NGEF: variants seen among roughly 807,000 people sequenced by gnomAD.
The protein encoded by NGEF is ephexin-1.
A neutral mutation model predicts 80.9 loss-of-function variants in NGEF; 31 were observed. The ratio of observed to expected loss-of-function variants is 0.38; its 90% CI spans 0.29 to 0.52. The LOEUF (loss-of-function observed/expected upper bound fraction) is 0.52, where lower values mean the gene tolerates loss of function less well. Ranked by LOEUF, NGEF falls within the 20% of genes least tolerant of loss-of-function variation. The pLI is 0.84. For synonymous variants in NGEF, 371 were observed against 370.2 expected, an observed-to-expected ratio of 1.00 and a Z score of -0.03; for missense variants, 709 against 926.2, an observed-to-expected ratio of 0.77 and a Z score of 3.04.
chr2:232,891,157 A>G (rs1691870139), intron 8 of NGEF, among the ~76,000 whole-genome samples: 1 of 152,176 alleles, frequency 6.6e-6, no homozygotes, highest in Non-Finnish European at 1.5e-5. Context: ...CTGGCTGTGC[A>G]TGGTTCGGTC....
At chr2:232,914,136 G>A (rs72617186) in intron 5 of NGEF, among the ~76,000 whole-genome samples, 2 of 152,116 alleles carry the variant, frequency 1.3e-5, no homozygotes, top group South Asian at 4.1e-4. Flanking sequence ...TTTACACAGT[G>A]TCTATAGCTG....
rs1450590584 is a variant in NGEF, at chr2:232,879,579, G to C, written c.2043C>G (p.Leu681=). ...TCTTGTGGACACGGAAACATTCCTT[G>C]AGGTTCTGGGACCGGATCTTGGGAT... is the stretch of plus-strand genomic sequence containing the variant. The part of the protein sequence containing the change: ...ILNPKIRSQN[L]KECFRVHKMD... Residue 681 remains leucine, a synonymous_variant, in exon 15 of 15, where the codon CTC becomes CTG. Transcript: ENST00000264051. 3 of 1,613,902 alleles carry C rather than the reference G, an allele frequency of 1.9e-6. No homozygotes were observed. The highest frequency in any genetic ancestry group is 2.5e-6 in the Non-Finnish European group (3 of 1,180,004).
At chr2:232,955,721 G>A (rs2106309952) in intron 3 of NGEF, among the ~76,000 whole-genome samples, 1 of 152,236 alleles carries the variant, frequency 6.6e-6, no homozygotes, top group East Asian at 1.9e-4. Flanking sequence ...GTTTCACCAT[G>A]TTGGCCAGGC....
intron 5 of NGEF, among the ~76,000 whole-genome samples, chr2:232,911,122 G>A (rs1692683702): frequency 6.6e-6 from 1 of 152,096 alleles, no homozygotes; most frequent in Admixed American, 6.6e-5. Flanking sequence ...AAGTTTTAAA[G>A]TTTTTCATTT....
At chr2:232,993,418 A>G (rs1694714276) in intron 1 of NGEF, among the ~76,000 whole-genome samples, 1 of 151,890 alleles carries the variant, frequency 6.6e-6, no homozygotes, top group Non-Finnish European at 1.5e-5. Flanking sequence ...ATGGATGATA[A>G]TAAGTGCTGA....
chr2:232,986,299 T>C (rs1368445250), intron 1 of NGEF, among the ~76,000 whole-genome samples: 1 of 152,224 alleles, frequency 6.6e-6, no homozygotes, highest in Non-Finnish European at 1.5e-5. Context: ...GAAAACAGTA[T>C]GGAGGTTCCT....
intron 3 of NGEF, among the ~76,000 whole-genome samples, chr2:232,954,506 G>A (rs746195814): frequency 6.6e-5 from 10 of 151,986 alleles, no homozygotes; most frequent in Non-Finnish European, 1.0e-4. Context: ...CAGGCGGATC[G>A]TGAAATCAGG....
chr2:232,905,619 G>C, intron 5 of NGEF: 1 of 331,922 alleles, frequency 3.0e-6, no homozygotes, highest in South Asian at 2.0e-5. Flanking sequence ...AAAGTGAGGA[G>C]CGTCTCTGCC....
intron 4 of NGEF, among the ~76,000 whole-genome samples, chr2:232,921,597 G>A (rs927251876): frequency 6.6e-6 from 1 of 151,796 alleles, no homozygotes; most frequent in Non-Finnish European, 1.5e-5. Context: ...GACTACAGGT[G>A]TGTGTCACCA....
At chr2:232,923,171 A>T (rs763741470) in intron 4 of NGEF, among the ~76,000 whole-genome samples, 1 of 152,226 alleles carries the variant, frequency 6.6e-6, no homozygotes, top group Non-Finnish European at 1.5e-5. Flanking sequence ...AGGCTCAAAA[A>T]TATGTCTTAT....
rs1691938280 is a variant in NGEF, at chr2:232,893,177, CCGA to C, written c.990-130_990-128del. 3 of 869,686 alleles carry C rather than the reference CCGA, an allele frequency of 3.4e-6. No homozygotes were observed. The East Asian group carries it at 8.0e-5, about 23-fold the overall frequency. 53.9% of individuals were successfully genotyped at this position (869,686 alleles called of 1,614,324 possible). A position where few individuals can be genotyped will look rare whatever the true frequency, so the allele number is the denominator to read the frequency against. On this transcript the variant is annotated intron_variant, in intron 6 of 14. Transcript: ENST00000264051. ...GCAGTGTGCACGGTGAGCGTACAGG[CCGA>C]CAAGATCCATCGGCAGGGGCACCGA...
rs747369964 is a variant in NGEF at position 232,974,651 on chromosome 2, G to A, written c.240C>T (p.Asn80=). ...RRKSKAKARD[N]PERNASCLAD... The stretch of plus-strand genomic sequence containing the variant: ...CCAGGCAGCTGGCGTTCCGTTCGGG[G>A]TTGTCTCTGGCCTTGGCTTTGCTTT... Residue 80 remains asparagine (N), a synonymous_variant, in exon 2 of 15, where the codon AAC becomes AAT. Transcript: ENST00000264051. The A allele has an allele frequency of 8.1e-6, 13 of 1,614,216 alleles. No individual in the cohort carries two copies. The Admixed American group carries it at 2.2e-4, about 27-fold the overall frequency.
intron 5 of NGEF, chr2:232,901,267 G>A (rs1177721748): frequency 7.8e-6 from 5 of 644,110 alleles, no homozygotes; most frequent in Non-Finnish European, 9.6e-6. Context: ...GTCTGTCCTC[G>A]GAGTCCCACT....
chr2:232,962,945 C>A (rs1480775072), intron 3 of NGEF, among the ~76,000 whole-genome samples: 2 of 151,798 alleles, frequency 1.3e-5, no homozygotes, highest in Non-Finnish European at 2.9e-5. Flanking sequence ...ATGACTAAGT[C>A]AAGCTAGTTA....
At chr2:232,964,584 T>G (rs1694019659) in intron 3 of NGEF, among the ~76,000 whole-genome samples, 1 of 152,038 alleles carries the variant, frequency 6.6e-6, no homozygotes, top group Non-Finnish European at 1.5e-5. Context: ...ATCCCACATA[T>G]TCGGGAGGCA....
chr2:233,010,392 T>C (rs1444268749), intron 1 of NGEF, among the ~76,000 whole-genome samples: 1 of 152,194 alleles, frequency 6.6e-6, no homozygotes, highest in Non-Finnish European at 1.5e-5. Flanking sequence ...ATTTTCAAGG[T>C]AGTAATGCTT....
In NGEF at chr2:232,927,585, C is replaced by G. The variant is rs374135899; in HGVS notation, c.384-399G>C. On this transcript the variant is annotated intron_variant, in intron 3 of 14. Coordinates refer to ENST00000264051, the MANE Select transcript of NGEF (RefSeq NM_019850.3). ...GGCCCCTTTCGGACTCCGATCCTCCCGTCCCCAGGCCACACGGCGCGGAAA... is the reference window on the plus strand; with the variant it reads ...GGCCCCTTTCGGACTCCGATCCTCCGGTCCCCAGGCCACACGGCGCGGAAA... Among the ~76,000 whole-genome samples the G allele has an allele frequency of 7.5e-4, 114 of 152,244 alleles. 1 individual carries two copies. In the East Asian group the frequency reaches 0.02, roughly 26 times the overall value.
intron 1 of NGEF, 39 bp downstream of exon 1, chr2:233,013,029 A>C: frequency 2.2e-6 from 1 of 458,144 alleles, no homozygotes; most frequent in South Asian, 1.6e-5. Context: ...GTTTTATCTC[A>C]TTTTATTTTT....
At chr2:232,882,303 C>T in intron 12 of NGEF, 38 bp from the exon 13 acceptor site, 2 of 1,574,440 alleles carry the variant, frequency 1.3e-6, no homozygotes, top group East Asian at 4.5e-5. Flanking sequence ...AACTGCAGAT[C>T]AACGGCAGCC....
Sources: allele counts gnomAD v4.1 joint callset (sites outside exome capture counted in the v4.1 genomes callset), GRCh38; gene constraint gnomAD v4.1.1; transcripts MANE v1.5; gene names NCBI Gene and HGNC (gene_info 2026-07-23, HGNC 2026-07-21).